CSTPP1: variants seen among roughly 807,000 people sequenced by gnomAD.
CSTPP1 encodes the protein UPF0705 protein C11orf49.
At chr11:46,997,100 T>G in the CSTPP1 span, among the ~76,000 whole-genome samples, 17 of 152,198 alleles carry the variant, frequency 1.1e-4, no homozygotes, top group Non-Finnish European at 1.9e-4. Flanking sequence ...GAATGTTGGC[T>G]TTCCTCGCTA....
the CSTPP1 span, among the ~76,000 whole-genome samples, chr11:46,993,885 G>C: frequency 6.6e-6 from 1 of 152,112 alleles, no homozygotes; most frequent in African/African-American, 2.4e-5. Flanking sequence ...CCATTTTCAC[G>C]ATATTGATTC....
At chr11:47,134,321 A>G in the CSTPP1 span, among the ~76,000 whole-genome samples, 1 of 152,046 alleles carries the variant, frequency 6.6e-6, no homozygotes. Context: ...CCCCCCAAGT[A>G]GCTGGATTAC....
the CSTPP1 span, among the ~76,000 whole-genome samples, chr11:47,047,159 C>G: frequency 6.6e-6 from 1 of 152,164 alleles, no homozygotes; most frequent in African/African-American, 2.4e-5. Context: ...CGTCAACCTC[C>G]CAAAGTGCTA....
At chr11:47,016,407 AAAAC>A in the CSTPP1 span, among the ~76,000 whole-genome samples, 1 of 150,444 alleles carries the variant, frequency 6.6e-6, no homozygotes, top group African/African-American at 2.5e-5. Context: ...CAAAAAACAA[AAAAC>A]AAAAAAAAAA....
the CSTPP1 span, among the ~76,000 whole-genome samples, chr11:47,092,469 GA>G: frequency 6.6e-6 from 1 of 152,112 alleles, no homozygotes; most frequent in African/African-American, 2.4e-5. Flanking sequence ...AGAATTATGA[GA>G]ATAGTATGAA....
chr11:47,046,660 C>CTTTTTTTTTTTTTTTTTTT, the CSTPP1 span, among the ~76,000 whole-genome samples: 4 of 79,734 alleles, frequency 5.0e-5, no homozygotes, highest in African/African-American at 1.6e-4. Context: ...ATCTTCTTTT[C>CTTTTTTTTTTTTTTTTTTT]TTTTTTTTTT....
chr11:47,060,716 G>A, the CSTPP1 span, among the ~76,000 whole-genome samples: 1 of 152,136 alleles, frequency 6.6e-6, no homozygotes, highest in South Asian at 2.1e-4. Context: ...TTGGGTAATG[G>A]GTGCAACAAA....
chr11:46,984,724 C>T, the CSTPP1 span, among the ~76,000 whole-genome samples: 3 of 148,232 alleles, frequency 2.0e-5, no homozygotes, highest in Non-Finnish European at 3.0e-5. Flanking sequence ...AAGTAGAGCT[C>T]TTTCATTTCT....
chr11:47,064,854 C>T, the CSTPP1 span, among the ~76,000 whole-genome samples: 1 of 152,146 alleles, frequency 6.6e-6, no homozygotes, highest in African/African-American at 2.4e-5. Context: ...AAGCGATTCT[C>T]CTGCTTCAGC....
At chr11:47,135,853 G>T in the CSTPP1 span, among the ~76,000 whole-genome samples, 2 of 152,232 alleles carry the variant, frequency 1.3e-5, no homozygotes, top group African/African-American at 4.8e-5. Context: ...TCATTCTTCT[G>T]TCCTTGGAAG....
At chr11:47,068,621 C>A in the CSTPP1 span, among the ~76,000 whole-genome samples, 1 of 152,234 alleles carries the variant, frequency 6.6e-6, no homozygotes, top group South Asian at 2.1e-4. Context: ...TTATGTGATC[C>A]TCTACTCCTT....
chr11:47,004,633 T>C, the CSTPP1 span, among the ~76,000 whole-genome samples: 1 of 152,190 alleles, frequency 6.6e-6, no homozygotes, highest in Non-Finnish European at 1.5e-5. Flanking sequence ...CTATCTTTGT[T>C]TTCTTTGCAT....
chr11:46,937,537 T>C, the CSTPP1 span, among the ~76,000 whole-genome samples: 12 of 152,050 alleles, frequency 7.9e-5, no homozygotes, highest in African/African-American at 2.7e-4. Flanking sequence ...CATAGATATG[T>C]ACACACACAC....
chr11:47,133,842 G>A, the CSTPP1 span, among the ~76,000 whole-genome samples: 66 of 152,310 alleles, frequency 4.3e-4, no homozygotes, highest in African/African-American at 1.4e-3. Context: ...CACAATCTGA[G>A]TTTTTGTGTC....
chr11:46,954,313 CT>C, the CSTPP1 span, among the ~76,000 whole-genome samples: 1 of 152,250 alleles, frequency 6.6e-6, no homozygotes, highest in South Asian at 2.1e-4. Flanking sequence ...CGTTGGGAGG[CT>C]GAGGCTGGTG....
chr11:47,075,732 A>G, the CSTPP1 span, among the ~76,000 whole-genome samples: 1 of 151,896 alleles, frequency 6.6e-6, no homozygotes, highest in Admixed American at 6.6e-5. Flanking sequence ...CAGCCTGGCC[A>G]GGGTGGTTAA....
the CSTPP1 span, among the ~76,000 whole-genome samples, chr11:47,073,513 G>A: frequency 1.2e-4 from 18 of 152,118 alleles, no homozygotes; most frequent in Non-Finnish European, 1.8e-4. Flanking sequence ...GAGCAACATA[G>A]TGAGACCCTG....
At chr11:47,083,934 G>A in the CSTPP1 span, among the ~76,000 whole-genome samples, 1 of 152,152 alleles carries the variant, frequency 6.6e-6, no homozygotes, top group Admixed American at 6.6e-5. Context: ...GTCTTTTTAT[G>A]GATGTATGTT....
chr11:47,107,694 A>G, the CSTPP1 span, among the ~76,000 whole-genome samples: 1 of 152,160 alleles, frequency 6.6e-6, no homozygotes, highest in Non-Finnish European at 1.5e-5. Flanking sequence ...TGTTTTTTCT[A>G]TTAGAAGATT....
Sources: allele counts gnomAD v4.1 joint callset (sites outside exome capture counted in the v4.1 genomes callset), GRCh38; gene constraint gnomAD v4.1.1; transcripts MANE v1.5; gene names NCBI Gene and HGNC (gene_info 2026-07-23, HGNC 2026-07-21).